Variants in BRF1 observed in about 807,000 individuals in gnomAD.
BRF1 encodes transcription factor IIIB 90 kDa subunit.
In BRF1, 59 loss-of-function variants were observed where a neutral mutation model predicts 81.7. That is an observed-to-expected ratio of 0.72 (90% confidence interval 0.59 to 0.90). BRF1 has a LOEUF of 0.90. Ranked by LOEUF, BRF1 falls within the 40% of genes least tolerant of loss-of-function variation. The pLI is 0.00. For missense variants in BRF1, 1,050 were observed against 936.3 expected (o/e 1.12, Z -1.58); for synonymous variants, 491 against 395.6 (o/e 1.24, Z -2.86).
intron 6 of BRF1, 29 bp from the exon 7 acceptor site, chr14:105,228,942 A>T: frequency 6.2e-7 from 1 of 1,608,492 alleles, no homozygotes. Context: ...GGCCTCGTCA[A>T]CCACGGCTGG....
upstream of BRF1, among the ~76,000 whole-genome samples, chr14:105,305,789 C>A (rs758382058): frequency 1.3e-5 from 2 of 152,202 alleles, no homozygotes; most frequent in East Asian, 1.9e-4. Context: ...CAAGCAAGGG[C>A]GGCCAAGGGG....
chr14:105,214,441 C>CCACCCCTGCGTGGCTCAGCTGCCCA (rs1357805846), intron 15 of BRF1, among the ~76,000 whole-genome samples: 11 of 143,728 alleles, frequency 7.7e-5, no homozygotes, highest in South Asian at 6.6e-4. Flanking sequence ...CATGCATGGC[C>CCACCCCTGCGTGGCTCAGCTGCCCA]CACCCCTGCG....
chr14:105,219,517 AG>A, intron 12 of BRF1: 1 of 576,188 alleles, frequency 1.7e-6, no homozygotes. Flanking sequence ...GCCAGAGTGC[AG>A]GCCACAGGTT....
Position 105,286,280 on chromosome 14 carries a change from C to A in BRF1, c.265+16G>T, listed in dbSNP as rs770449964. ...GGACCCGCCGCACGCTCAGCAGCAT[C>A]CGCGGTGGGAAATACCATTCTGCAG... is the stretch of plus-strand genomic sequence containing the variant. On this transcript the variant is annotated intron_variant, in intron 2 of 17. Coordinates refer to ENST00000547530, the MANE Select transcript of BRF1 (RefSeq NM_001519.4). The A allele has an allele frequency of 3.1e-6, 5 of 1,609,276 alleles. No homozygotes were observed. The Admixed American group carries it at 6.7e-5, about 22-fold the overall frequency.
intron 11 of BRF1, among the ~76,000 whole-genome samples, 171 bp downstream of exon 11, chr14:105,221,477 G>A (rs987439571): frequency 1.2e-4 from 19 of 152,102 alleles, no homozygotes; most frequent in African/African-American, 4.3e-4. Context: ...GACCACTGAC[G>A]CCCACACAGC....
chr14:105,250,727 G>A, intron 5 of BRF1: 1 of 1,524,106 alleles, frequency 6.6e-7, no homozygotes, highest in Non-Finnish European at 8.9e-7. Flanking sequence ...AAGTCAAGAT[G>A]CTAACTGCTT....
intron 1 of BRF1, among the ~76,000 whole-genome samples, chr14:105,307,270 T>C (rs587680996): frequency 1.2e-4 from 19 of 152,148 alleles, no homozygotes; most frequent in African/African-American, 4.3e-4. Context: ...TTCATCAGGC[T>C]CCTGCATTCC....
chr14:105,241,629 C>A, intron 5 of BRF1: 1 of 627,310 alleles, frequency 1.6e-6, no homozygotes, highest in Non-Finnish European at 2.8e-6. Context: ...TGCTGCCAGC[C>A]AGCCTGCTGC....
rs587743280 is a variant in BRF1 at position 105,287,336 on chromosome 14, G to A, written c.185-960C>T. On this transcript the variant is annotated intron_variant, in intron 1 of 17. Transcript: ENST00000547530. ...GTTCACCAGGTTCACCAACCCAAAC[G>A]CTGCGGCCTGATCTTCCAACGAGAA... Among the ~76,000 whole-genome samples, 27 of 152,304 alleles carry A rather than the reference G, an allele frequency of 1.8e-4. No homozygotes were observed. The South Asian group carries it at 5.6e-3, about 32-fold the overall frequency.
intron 2 of BRF1, among the ~76,000 whole-genome samples, chr14:105,273,942 G>C (rs1408916997): frequency 5.9e-5 from 9 of 152,318 alleles, no homozygotes; most frequent in African/African-American, 2.2e-4. Context: ...AAGGCCTCTT[G>C]CAGTTGAGAT....
At position 105,241,374 on chromosome 14, in the gene BRF1, T is replaced by G; in HGVS notation, c.585A>C (p.Glu195Asp). The G allele has an allele frequency of 6.2e-7, 1 of 1,612,758 alleles. No individual in the cohort carries two copies. Residue 195 changes from glutamate (E) to aspartate (D), a missense_variant, in exon 6 of 18, where the codon GAA becomes GAC. Coordinates refer to ENST00000547530, the MANE Select transcript of BRF1 (RefSeq NM_001519.4). ...ACACCTCGTGGTTCTTCTCCCCGAA[T>G]TCCAGCAGGTGCGCAAAGCGTGGAA... ...LYIPRFAHLL[E>D]FGEKNHEVSM...
intron 7 of BRF1, chr14:105,228,141 T>C (rs1163621259): frequency 6.6e-6 from 1 of 152,198 alleles, no homozygotes; most frequent in Non-Finnish European, 1.5e-5. Context: ...AGGGGTCACC[T>C]GGGCTCTCAA....
chr14:105,212,145 T>C lies in BRF1; in HGVS notation c.1792A>G (p.Thr598Ala), dbSNP rs757420676. The C allele has an allele frequency of 6.2e-7, 1 of 1,612,556 alleles. No homozygotes were observed. Among genetic ancestry groups the C allele is most frequent in the African/African-American group, 1.3e-5 (1 of 74,926 alleles). Reference protein sequence around the residue: ...VGKRLRPLVSTQPAKKVATGE... With the variant: ...VGKRLRPLVSAQPAKKVATGE... ...GTGGCCACCTTCTTTGCTGGCTGCG[T>C]AGACACCAGAGGCCTCAACCTGCAA... The change falls in exon 16 of 18, where the codon ACG becomes GCG. Residue 598 changes from threonine (T) to alanine (A), a missense_variant. Transcript: ENST00000547530.
chr14:105,306,886 G>A (rs999806045), intron 1 of BRF1, among the ~76,000 whole-genome samples: 22 of 151,764 alleles, frequency 1.4e-4, no homozygotes, highest in African/African-American at 3.9e-4. Flanking sequence ...GATTACAGGC[G>A]TGAGCCACCG....
intron 5 of BRF1, chr14:105,249,255 G>A (rs2055412143): frequency 6.4e-7 from 1 of 1,568,906 alleles, no homozygotes; most frequent in South Asian, 1.1e-5. Context: ...AAGGTGGGTA[G>A]CGGCGGCCCC....
At position 105,250,497 on chromosome 14, in the gene BRF1, C is replaced by T. The variant is rs964637178; in HGVS notation, c.544+2010G>A. ...CACCCGGTCCAGGTTGAACAAGACA[C>T]CTTCTACACGGCCAGTGCCGTCCTG... On this transcript the variant is annotated intron_variant, in intron 5 of 17. Coordinates refer to ENST00000547530, the MANE Select transcript of BRF1 (RefSeq NM_001519.4). 57 of 1,613,912 alleles carry T rather than the reference C, an allele frequency of 3.5e-5. 1 individual carries two copies. The South Asian group carries it at 4.8e-4, about 14-fold the overall frequency.
chr14:105,249,143 C>T (rs1330777935), intron 5 of BRF1: 2 of 1,561,936 alleles, frequency 1.3e-6, no homozygotes, highest in South Asian at 1.2e-5. Context: ...CAGCCCGTGC[C>T]TCTACCTTTG....
At chr14:105,304,928 A>G (rs989129082), upstream of BRF1, among the ~76,000 whole-genome samples, 4 of 152,232 alleles carry the variant, frequency 2.6e-5, no homozygotes, top group African/African-American at 9.6e-5. Flanking sequence ...TCCCTCCACA[A>G]TATGTGGGAA....
At position 105,210,599 on chromosome 14, in the gene BRF1, G is replaced by C; in HGVS notation, c.1997-11C>G. 4.3e-6 allele frequency: 7 copies of C among 1,611,186 alleles called. No homozygotes were observed. Among genetic ancestry groups the C allele is most frequent in the South Asian group, 3.3e-5 (3 of 91,048 alleles). The stretch of plus-strand genomic sequence containing the variant: ...CATCACAGCCATAGTCTGCAGAAGA[G>C]CACAGTCATGAAGCCCAGGGTCTCT... On this transcript the variant is annotated splice_polypyrimidine_tract_variant and intron_variant, in intron 17 of 17. Transcript: ENST00000547530. The surrounding 1 kb of genome is among the most constrained non-coding windows in gnomAD (Gnocchi z 4.7).
Sources: gnomAD v4.1 joint callset for allele counts (sites outside exome capture counted in the v4.1 genomes callset) on GRCh38, gnomAD v4.1.1 for gene constraint, Gnocchi (gnomAD v3.1) non-coding constraint, MANE v1.5 for transcripts, NCBI Gene and HGNC (gene_info 2026-07-23, HGNC 2026-07-21) for gene names.